Variants in MIPOL1 observed in about 807,000 individuals in gnomAD.
The protein encoded by MIPOL1 is mirror-image polydactyly gene 1 protein.
Under a neutral mutation model 60.9 loss-of-function variants are expected in MIPOL1, and 57 were observed. The ratio of observed to expected loss-of-function variants is 0.94; its 90% CI spans 0.76 to 1.17. The LOEUF (loss-of-function observed/expected upper bound fraction) is 1.17. Ranked by LOEUF, MIPOL1 falls within the 50% of genes most tolerant of loss-of-function variation. The probability of loss-of-function intolerance (pLI) is 0.00; values close to 1 mark genes in which losing one functional copy is unlikely to be tolerated. For missense variants in MIPOL1, 551 were observed against 511.6 expected (o/e 1.08, Z -0.74); for synonymous variants, 179 against 168.8 (o/e 1.06, Z -0.47).
chr14:37,235,670 G>A (rs1337551563), intron 1 of MIPOL1, among the ~76,000 whole-genome samples: 3 of 152,010 alleles, frequency 2.0e-5, no homozygotes, highest in African/African-American at 4.8e-5. Context: ...TTGTAGAAAC[G>A]TTACTGTTAG....
chr14:37,317,932 AAC>A (rs1731771453), intron 9 of MIPOL1, among the ~76,000 whole-genome samples: 2 of 152,200 alleles, frequency 1.3e-5, no homozygotes. Context: ...AAAACTTGCA[AAC>A]AATTTCCTCC....
At chr14:37,233,608 AG>A (rs1313734586) in intron 1 of MIPOL1, among the ~76,000 whole-genome samples, 1 of 152,148 alleles carries the variant, frequency 6.6e-6, no homozygotes, top group Non-Finnish European at 1.5e-5. Flanking sequence ...TTTTAAGATT[AG>A]GAAACACAAA....
At chr14:37,416,082 C>A (rs2093763939) in intron 10 of MIPOL1, among the ~76,000 whole-genome samples, 1 of 152,108 alleles carries the variant, frequency 6.6e-6, no homozygotes, top group African/African-American at 2.4e-5. Context: ...CAAGCTCCTA[C>A]TATCTGAAAT....
At position 37,218,939 on chromosome 14, in the gene MIPOL1, A is replaced by G. The variant is rs552556779; in HGVS notation, c.-199+20835A>G. On this transcript the variant is annotated intron_variant, in intron 1 of 12. Coordinates refer to ENST00000684589, the MANE Select transcript of MIPOL1 (RefSeq NM_001388067.1). The stretch of plus-strand genomic sequence containing the variant: ...GACCCTATTTCAAAAAAAAAAAAAA[A>G]AAAGAAAAAAGAAAACCAGAGCTAG... 3.6e-4 allele frequency among the ~76,000 whole-genome samples: 55 copies of G among 151,788 alleles called. No homozygotes were observed. In the South Asian group the frequency reaches 0.011, roughly 29 times the overall value.
chr14:37,277,447 G>A (rs1355374135), intron 6 of MIPOL1: 1 of 151,144 alleles, frequency 6.6e-6, no homozygotes, highest in African/African-American at 2.4e-5. Context: ...ATTGGAAAAG[G>A]TAGCTCCAAT....
At chr14:37,240,553 C>T (rs1010298743) in intron 1 of MIPOL1, 4 of 152,122 alleles carry the variant, frequency 2.6e-5, no homozygotes, top group Non-Finnish European at 5.9e-5. Context: ...CTATTTGTTC[C>T]TTGGAGAAAC....
chr14:37,505,462 A>G (rs754858748), intron 12 of MIPOL1: 1 of 152,248 alleles, frequency 6.6e-6, no homozygotes, highest in Admixed American at 6.5e-5. Context: ...ATGCACATCA[A>G]TAAACGTAAT....
chr14:37,455,549 T>C (rs2153578017), intron 11 of MIPOL1, among the ~76,000 whole-genome samples: 1 of 152,306 alleles, frequency 6.6e-6, no homozygotes, highest in African/African-American at 2.4e-5. Context: ...ATCTGTATAC[T>C]GTTATTTTTC....
At position 37,472,497 on chromosome 14, in the gene MIPOL1, T is replaced by C. The variant is rs1014506563; in HGVS notation, c.1032-27411T>C. On this transcript the variant is annotated intron_variant, in intron 11 of 12. Transcript: ENST00000684589. Reference sequence around the variant, plus strand: ...TTCTTTTGGCTAGAACTGACCCTTATGCAGATGGCACTATTCTTTTCTGAC... The same window carrying C: ...TTCTTTTGGCTAGAACTGACCCTTACGCAGATGGCACTATTCTTTTCTGAC... Among the ~76,000 whole-genome samples, 10 of 152,284 alleles carry C rather than the reference T, an allele frequency of 6.6e-5. 1 individual carries two copies. The East Asian group carries it at 1.9e-3, about 29-fold the overall frequency.
intron 11 of MIPOL1, among the ~76,000 whole-genome samples, chr14:37,480,716 G>A (rs574896600): frequency 1.3e-5 from 2 of 152,174 alleles, no homozygotes; most frequent in East Asian, 3.9e-4. Context: ...GAGCAATTAG[G>A]CAAGAGAAAG....
chr14:37,453,639 G>A (rs906610498), intron 11 of MIPOL1, among the ~76,000 whole-genome samples: 1 of 151,804 alleles, frequency 6.6e-6, no homozygotes, highest in Non-Finnish European at 1.5e-5. Context: ...ATGTTTATAA[G>A]TGCCCAAAAA....
intron 10 of MIPOL1, chr14:37,385,658 G>A (rs1176549838): frequency 2.0e-5 from 3 of 151,866 alleles, no homozygotes; most frequent in African/African-American, 7.3e-5. Flanking sequence ...TCTTATATAT[G>A]TCTGTAAGAT....
intron 11 of MIPOL1, among the ~76,000 whole-genome samples, chr14:37,491,043 A>G (rs1018428502): frequency 3.9e-5 from 6 of 152,188 alleles, no homozygotes; most frequent in African/African-American, 9.6e-5. Flanking sequence ...TTTATGTGTT[A>G]TATGACAAAA....
chr14:37,531,472 A>G (rs879232651), intron 12 of MIPOL1, among the ~76,000 whole-genome samples: 4 of 152,048 alleles, frequency 2.6e-5, no homozygotes, highest in Admixed American at 6.5e-5. Context: ...AAATATATAT[A>G]TTAATATATT....
At chr14:37,407,050 A>G (rs2093599310) in intron 10 of MIPOL1, among the ~76,000 whole-genome samples, 6 of 152,186 alleles carry the variant, frequency 3.9e-5, no homozygotes, top group Non-Finnish European at 8.8e-5. Context: ...TTAATGCACT[A>G]AGAAATGGTT....
rs117025977 is a variant in MIPOL1, at chr14:37,482,853, A to G, written c.1032-17055A>G. On this transcript the variant is annotated intron_variant, in intron 11 of 12. Coordinates refer to ENST00000684589, the MANE Select transcript of MIPOL1 (RefSeq NM_001388067.1). ...TTGTATACTCTCAGTGGGAACATAA[A>G]TTAATTCAGCTGTCCCTCAGTATCT... is the stretch of plus-strand genomic sequence containing the variant. Among the ~76,000 whole-genome samples the G allele has an allele frequency of 1.2e-3, 180 of 152,288 alleles. 4 individuals carry two copies. The East Asian group carries it at 0.032, about 27-fold the overall frequency.
intron 7 of MIPOL1, among the ~76,000 whole-genome samples, chr14:37,289,809 A>G (rs2084901197): frequency 6.6e-6 from 1 of 152,178 alleles, no homozygotes; most frequent in African/African-American, 2.4e-5. Context: ...TCAAAGTCAC[A>G]ACGTTTTAAT....
chr14:37,473,918 T>G (rs889081242), intron 11 of MIPOL1, among the ~76,000 whole-genome samples: 1 of 149,298 alleles, frequency 6.7e-6, no homozygotes, highest in African/African-American at 2.6e-5. Context: ...GCCCATACTT[T>G]TTATTTGTCT....
chr14:37,237,650 G>T (rs184266223), intron 1 of MIPOL1, among the ~76,000 whole-genome samples: 4 of 152,218 alleles, frequency 2.6e-5, no homozygotes, highest in Non-Finnish European at 4.4e-5. Context: ...GTCTTGTGTT[G>T]CTCAGGCTGG....
Sources: allele counts gnomAD v4.1 joint callset (sites outside exome capture counted in the v4.1 genomes callset), GRCh38; gene constraint gnomAD v4.1.1; transcripts MANE v1.5; gene names NCBI Gene and HGNC (gene_info 2026-07-23, HGNC 2026-07-21).